The following PRELID2 variants were observed in gnomAD, a reference collection of about 807,000 sequenced individuals.
PRELID2 encodes the protein PRELI domain-containing protein 2.
Under a neutral mutation model 28.4 loss-of-function variants are expected in PRELID2, and 25 were observed. The observed-to-expected ratio is 0.88, with a 90% confidence interval of 0.64 to 1.23. PRELID2 has a LOEUF of 1.23. Ranked by LOEUF, PRELID2 falls within the 50% of genes most tolerant of loss-of-function variation. The pLI, the probability that PRELID2 is intolerant of heterozygous loss-of-function variation, is 0.00. For synonymous variants in PRELID2, 76 were observed against 71.6 expected, an observed-to-expected ratio of 1.06 and a Z score of -0.31; for missense variants, 201 against 214.4, an observed-to-expected ratio of 0.94 and a Z score of 0.39.
chr5:145,328,118 C>CCTT, the PRELID2 span, among the ~76,000 whole-genome samples: 1 of 152,128 alleles, frequency 6.6e-6, no homozygotes, highest in African/African-American at 2.4e-5. Context: ...ATGAATTCAT[C>CCTT]CTTTTTTATG....
At chr5:145,679,747 A>G (rs1263484973) in intron 1 of PRELID2, among the ~76,000 whole-genome samples, 3 of 151,640 alleles carry the variant, frequency 2.0e-5, no homozygotes, top group African/African-American at 7.2e-5. Flanking sequence ...ATAATCAAGA[A>G]ATAATTTGAA....
intron 1 of PRELID2, among the ~76,000 whole-genome samples, chr5:145,830,478 C>T (rs443033): frequency 0.71 from 108,598 of 152,048 alleles, 39,965 homozygotes; most frequent in Non-Finnish European, 0.82. Context: ...CCAGAGAAGA[C>T]CCACTTTCTA....
chr5:145,368,196 G>A, the PRELID2 span, among the ~76,000 whole-genome samples: 7,319 of 151,970 alleles, frequency 0.048, 610 homozygotes, highest in African/African-American at 0.17. Flanking sequence ...TCAACAACTA[G>A]TTCAATGCCT....
At chr5:145,424,402 G>A in the PRELID2 span, among the ~76,000 whole-genome samples, 1 of 152,210 alleles carries the variant, frequency 6.6e-6, no homozygotes, top group Non-Finnish European at 1.5e-5. Flanking sequence ...CGTGAGCGTT[G>A]GACCCTCCCA....
chr5:145,574,087 A>G (rs560001077), intron 1 of PRELID2, among the ~76,000 whole-genome samples: 41 of 152,316 alleles, frequency 2.7e-4, no homozygotes, highest in African/African-American at 9.6e-4. Context: ...AGTGGACCCA[A>G]TGCAATCACA....
At chr5:145,679,946 G>A (rs1047709304) in intron 1 of PRELID2, among the ~76,000 whole-genome samples, 1 of 151,338 alleles carries the variant, frequency 6.6e-6, no homozygotes, top group African/African-American at 2.4e-5. Flanking sequence ...TAAAATAGAA[G>A]CTTTCTATAT....
chr5:145,417,896 G>C, the PRELID2 span, among the ~76,000 whole-genome samples: 1 of 152,144 alleles, frequency 6.6e-6, no homozygotes, highest in African/African-American at 2.4e-5. Context: ...GTTCTGGACA[G>C]GGAAATCAAG....
chr5:145,230,264 C>T, the PRELID2 span, among the ~76,000 whole-genome samples: 9 of 151,962 alleles, frequency 5.9e-5, no homozygotes, highest in Non-Finnish European at 1.0e-4. Context: ...CGGTGGAGAG[C>T]TATAAAATGA....
At chr5:145,753,805 A>G (rs1757187485), downstream of PRELID2, among the ~76,000 whole-genome samples, 1 of 152,170 alleles carries the variant, frequency 6.6e-6, no homozygotes, top group African/African-American at 2.4e-5. Context: ...AAGGTATAAA[A>G]TACTGCATTT....
the PRELID2 span, among the ~76,000 whole-genome samples, chr5:145,249,955 C>T: frequency 6.6e-6 from 1 of 151,604 alleles, no homozygotes; most frequent in African/African-American, 2.4e-5. Context: ...CTCTCTCTCT[C>T]TCTCTCTCTC....
intron 1 of PRELID2, among the ~76,000 whole-genome samples, chr5:145,743,372 T>C (rs1332894206): frequency 4.2e-5 from 6 of 143,842 alleles, no homozygotes; most frequent in Middle Eastern, 3.8e-3. Context: ...GATTGCACCA[T>C]TGTACTCCAG....
At chr5:145,549,541 G>A (rs940371091) in intron 1 of PRELID2, among the ~76,000 whole-genome samples, 5 of 152,142 alleles carry the variant, frequency 3.3e-5, no homozygotes, top group South Asian at 2.1e-4. Flanking sequence ...TGTAATCCCA[G>A]CACTTTGGGA....
intron 1 of PRELID2, among the ~76,000 whole-genome samples, chr5:145,748,956 C>A (rs1401988690): frequency 6.6e-6 from 1 of 152,128 alleles, no homozygotes; most frequent in Non-Finnish European, 1.5e-5. Flanking sequence ...CTTCCTTACA[C>A]CTTATACAAA....
rs140959858 is a variant in PRELID2 at position 145,816,122 on chromosome 5, G to C, written c.368+1772C>G. Among the ~76,000 whole-genome samples, 82 of 112,078 alleles carry C rather than the reference G, an allele frequency of 7.3e-4. No homozygotes were observed. In the East Asian group the frequency reaches 0.02, roughly 27 times the overall value. 73.5% of individuals were successfully genotyped at this position (112,078 alleles called of 152,430 possible). A position where few individuals can be genotyped will look rare whatever the true frequency, so the allele number is the denominator to read the frequency against. ...TTTTTTGAGACAGTCTCGCTCTGTT[G>C]CCCAGGCTAGAGTGCCATGGTGCGA... On this transcript the variant is annotated intron_variant, in intron 4 of 6. Coordinates refer to ENST00000683046, the MANE Select transcript of PRELID2 (RefSeq NM_205846.3).
At chr5:145,444,618 G>A in the PRELID2 span, among the ~76,000 whole-genome samples, 1 of 151,958 alleles carries the variant, frequency 6.6e-6, no homozygotes, top group Non-Finnish European at 1.5e-5. Context: ...GGGCAAAGTG[G>A]TTGCCATTAG....
intron 1 of PRELID2, among the ~76,000 whole-genome samples, chr5:145,721,518 T>C (rs919671971): frequency 2.6e-5 from 4 of 152,044 alleles, no homozygotes; most frequent in Non-Finnish European, 2.9e-5. Context: ...ACACATCATA[T>C]AGAGAAACAG....
chr5:145,325,365 T>C, the PRELID2 span, among the ~76,000 whole-genome samples: 2 of 152,204 alleles, frequency 1.3e-5, no homozygotes, highest in African/African-American at 4.8e-5. Context: ...CCCTCTCTTA[T>C]TGCAAACTAT....
At chr5:145,742,004 TAAATTTA>T (rs1756815225) in intron 1 of PRELID2, among the ~76,000 whole-genome samples, 2 of 35,936 alleles carry the variant, frequency 5.6e-5, no homozygotes, top group South Asian at 1.4e-3. Flanking sequence ...TTATAAATAA[TAAATTTA>T]TTATAAGTAA....
At chr5:145,711,201 T>A (rs999141261) in intron 1 of PRELID2, among the ~76,000 whole-genome samples, 9 of 152,178 alleles carry the variant, frequency 5.9e-5, no homozygotes, top group African/African-American at 1.9e-4. Flanking sequence ...CAAGAAAATT[T>A]CATTTTCACT....
Sources: allele counts gnomAD v4.1 joint callset (sites outside exome capture counted in the v4.1 genomes callset), GRCh38; gene constraint gnomAD v4.1.1; transcripts MANE v1.5; gene names NCBI Gene and HGNC (gene_info 2026-07-23, HGNC 2026-07-21).